NWD1: variants seen among roughly 807,000 people sequenced by gnomAD.
NWD1 encodes the protein NACHT and WD repeat domain containing 1, also known as NACHT domain- and WD repeat-containing protein 1.
A neutral mutation model predicts 135.1 loss-of-function variants in NWD1; 129 were observed. The ratio of observed to expected loss-of-function variants is 0.96; its 90% CI spans 0.83 to 1.11. The LOEUF (loss-of-function observed/expected upper bound fraction) is 1.11, where lower values mean the gene tolerates loss of function less well. NWD1 is among the 50% of genes least tolerant of loss of function. NWD1 has a pLI of 0.00. For missense variants in NWD1, 1,740 were observed against 1,851.3 expected, an observed-to-expected ratio of 0.94 and a Z score of 1.10; for synonymous variants, 773 against 786.0, an observed-to-expected ratio of 0.98 and a Z score of 0.28.
At chr19:16,788,932 G>T in intron 12 of NWD1, 50 bp from the exon 13 acceptor site, 1 of 1,378,052 alleles carries the variant, frequency 7.3e-7, no homozygotes, top group Non-Finnish European at 1.0e-6. Context: ...TAGTTGCAAG[G>T]CCAAAATGTT....
chr19:16,797,643 C>T (rs533500888), intron 15 of NWD1, 89 bp from the exon 16 acceptor site: 43 of 1,243,996 alleles, frequency 3.5e-5, no homozygotes, highest in South Asian at 1.9e-4. Flanking sequence ...CCACCACATC[C>T]GGCCTCCAAA....
chr19:16,747,099 C>G (rs1325836957), intron 5 of NWD1, among the ~76,000 whole-genome samples: 1 of 146,162 alleles, frequency 6.8e-6, no homozygotes, highest in Non-Finnish European at 1.5e-5. Context: ...TGTAGTGGTG[C>G]GATCTCAGCT....
chr19:16,725,326 T>G (rs77025590), intron 2 of NWD1, among the ~76,000 whole-genome samples: 42 of 151,674 alleles, frequency 2.8e-4, no homozygotes, highest in Non-Finnish European at 5.6e-4. Flanking sequence ...TTTTTTTTTT[T>G]AATTAACCAG....
intron 16 of NWD1, among the ~76,000 whole-genome samples, chr19:16,799,644 T>C (rs1297558707): frequency 1.3e-5 from 2 of 152,060 alleles, no homozygotes; most frequent in African/African-American, 4.8e-5. Flanking sequence ...GTAGCTGGGA[T>C]TACAGGCATG....
intron 11 of NWD1, among the ~76,000 whole-genome samples, chr19:16,774,324 C>T (rs902265170): frequency 2.8e-5 from 4 of 143,958 alleles, no homozygotes; most frequent in Admixed American, 6.7e-5. Flanking sequence ...AACCACTTTC[C>T]TCTCCATCCA....
chr19:16,774,306 A>T (rs77031525), intron 11 of NWD1, among the ~76,000 whole-genome samples: 2 of 147,056 alleles, frequency 1.4e-5, no homozygotes, highest in South Asian at 2.2e-4. Context: ...CCATCAATTC[A>T]TCTATCAAAC....
At chr19:16,760,638 T>G (rs900868615) in intron 7 of NWD1, among the ~76,000 whole-genome samples, 3 of 152,100 alleles carry the variant, frequency 2.0e-5, no homozygotes, top group African/African-American at 7.2e-5. Context: ...TTGCCCAGGC[T>G]AGAGTGCAGC....
At chr19:16,772,233 C>T (rs1969439839) in intron 10 of NWD1, among the ~76,000 whole-genome samples, 1 of 152,120 alleles carries the variant, frequency 6.6e-6, no homozygotes, top group Non-Finnish European at 1.5e-5. Context: ...GGCGTGGTGA[C>T]GTGCATCTGC....
At chr19:16,760,298 C>T (rs1968962273) in intron 7 of NWD1, among the ~76,000 whole-genome samples, 1 of 134,626 alleles carries the variant, frequency 7.4e-6, no homozygotes, top group South Asian at 2.2e-4. Flanking sequence ...CAGGGTCTCG[C>T]CCAGGCTGCA....
intron 11 of NWD1, among the ~76,000 whole-genome samples, chr19:16,778,657 C>A (rs965911748): frequency 2.0e-5 from 3 of 151,914 alleles, no homozygotes; most frequent in Non-Finnish European, 4.4e-5. Context: ...TACAGGTGTG[C>A]TTCACTATGC....
At chr19:16,779,263 G>A (rs1486416799) in intron 11 of NWD1, 80 bp from the exon 12 acceptor site, 3 of 1,512,038 alleles carry the variant, frequency 2.0e-6, no homozygotes, top group Non-Finnish European at 1.8e-6. Flanking sequence ...TGTGAAGTGG[G>A]GGGCTCATTA....
intron 12 of NWD1, among the ~76,000 whole-genome samples, chr19:16,785,950 C>G (rs752985268): frequency 6.6e-6 from 1 of 151,722 alleles, no homozygotes; most frequent in African/African-American, 2.4e-5. Context: ...CTGCAACCTC[C>G]GCCTCCCAGG....
rs1162022997 is a variant in NWD1 at position 16,815,243 on chromosome 19, G to A, written c.*204G>A. 3.8e-6 allele frequency: 3 copies of A among 784,144 alleles called. No homozygotes were observed. Among genetic ancestry groups the A allele is most frequent in the Admixed American group, 1.7e-5 (1 of 59,012 alleles). 48.6% of individuals were successfully genotyped at this position (784,144 alleles called of 1,614,324 possible). A position where few individuals can be genotyped will look rare whatever the true frequency, so the allele number is the denominator to read the frequency against. On this transcript the variant is annotated 3_prime_UTR_variant, in exon 19 of 19. Transcript: ENST00000524140. ...GAGAGAGGAGCTAGTTGCAGCTGCA[G>A]GAGCTCCCCAGGACTTGGAGTCAGA... is the stretch of plus-strand genomic sequence containing the variant.
rs377472991 is a variant in NWD1 at position 16,759,856 on chromosome 19, C to T, written c.1973+428C>T. ...TAAAAATACAAAAATTAGCCAGACG[C>T]GGTGGCACGTGCCTGTAATCCCAGC... On this transcript the variant is annotated intron_variant, in intron 7 of 18. Coordinates refer to ENST00000524140, the MANE Select transcript of NWD1 (RefSeq NM_001007525.5). Among the ~76,000 whole-genome samples, 150 of 151,932 alleles carry T rather than the reference C, an allele frequency of 9.9e-4. 2 individuals carry two copies. Among genetic ancestry groups the T allele is most frequent in the African/African-American group, 3.2e-3 (133 of 41,434 alleles).
intron 11 of NWD1, among the ~76,000 whole-genome samples, chr19:16,774,238 C>T (rs1198572387): frequency 4.0e-5 from 6 of 151,292 alleles, no homozygotes; most frequent in African/African-American, 1.5e-4. Context: ...CTCATCCACC[C>T]ACCCATTCAT....
At chr19:16,727,831 C>T (rs142710774) in intron 2 of NWD1, among the ~76,000 whole-genome samples, 9,178 of 152,128 alleles carry the variant, frequency 0.06, 338 homozygotes, top group Admixed American at 0.12. Context: ...GAGGCTGAGG[C>T]GGGTGGATCA....
intron 6 of NWD1, among the ~76,000 whole-genome samples, chr19:16,758,628 A>G (rs8100178): frequency 0.044 from 6,659 of 152,156 alleles, 479 homozygotes; most frequent in African/African-American, 0.15. Context: ...GGAGTGGGGT[A>G]GGTGCAGTTG....
intron 1 of NWD1, among the ~76,000 whole-genome samples, 152 bp downstream of exon 1, chr19:16,720,445 C>CT (rs1432343422): frequency 6.6e-6 from 1 of 152,140 alleles, no homozygotes; most frequent in East Asian, 1.9e-4. Context: ...GCATAGAGCA[C>CT]TAAAGTACAG....
intron 6 of NWD1, among the ~76,000 whole-genome samples, chr19:16,751,982 AAAGGAAGG>A (rs144260858): frequency 3.3e-5 from 5 of 151,330 alleles, no homozygotes; most frequent in South Asian, 2.1e-4. Flanking sequence ...AGAAAAAGTG[AAAGGAAGG>A]AAGGAAGGAA....
Sources: gnomAD v4.1 joint callset for allele counts (sites outside exome capture counted in the v4.1 genomes callset) on GRCh38, gnomAD v4.1.1 for gene constraint, MANE v1.5 for transcripts, NCBI Gene and HGNC (gene_info 2026-07-23, HGNC 2026-07-21) for gene names.